Variants in POLL observed in about 807,000 individuals in gnomAD.
POLL encodes the protein DNA polymerase lambda, also known as DNA polymerase beta-2.
In POLL, 44 loss-of-function variants were observed where a neutral mutation model predicts 58.1. The observed-to-expected ratio is 0.76, with a 90% CI of 0.60 to 0.97. POLL has a LOEUF of 0.97. Among genes scored for constraint, POLL ranks in the 50% least tolerant of loss-of-function variants. The probability of loss-of-function intolerance (pLI) is 0.00; values close to 1 mark genes in which losing one functional copy is unlikely to be tolerated. For synonymous variants in POLL, 290 were observed against 283.2 expected (o/e 1.02, Z -0.24); for missense variants, 632 against 736.8 (o/e 0.86, Z 1.65).
chr10:101,582,815 C>A lies in POLL; in HGVS notation c.1142G>T (p.Ser381Ile). The A allele has an allele frequency of 6.2e-7, 1 of 1,614,220 alleles. No homozygotes were observed. The highest frequency in any genetic ancestry group is 8.5e-7 in the Non-Finnish European group (1 of 1,180,030). Residue 381 changes from serine (S) to isoleucine (I), a missense_variant, in exon 7 of 9, where the codon AGT becomes ATT. By Grantham distance (142) the Ser-to-Ile change is moderately radical. Coordinates refer to ENST00000370162, the MANE Select transcript of POLL (RefSeq NM_001174084.2). ...TQQAIGLKHY[S>I]DFLERMPREE... The stretch of plus-strand genomic sequence containing the variant: ...CCTGGGCATACGTTCCAGGAAGTCA[C>A]TGTAATGCTTCAGGCCGATGGCCTG...
Position 101,584,489 on chromosome 10 carries a change from C to A in POLL, c.891+113G>T, listed in dbSNP as rs541862391. The A allele has an allele frequency of 9.5e-6, 6 of 630,370 alleles. No individual in the cohort carries two copies. The African/African-American group carries it at 1.1e-4, about 12-fold the overall frequency. The allele number at this position is 630,370 out of a possible 1,614,324, so 39.0% of individuals were successfully genotyped here. ...GCTTTCATCAATTTTCCTTTTTTTT[C>A]TTTTGTGCAAGTCCTAGACCCCATA... is the stretch of plus-strand genomic sequence containing the variant. On this transcript the variant is annotated intron_variant, in intron 5 of 8. Transcript: ENST00000370162.
intron 4 of POLL, 33 bp downstream of exon 4, chr10:101,585,283 G>A: frequency 4.7e-6 from 7 of 1,495,320 alleles, no homozygotes; most frequent in South Asian, 1.4e-5. Flanking sequence ...CTTCCTAGGG[G>A]AAGGGAGTTC....
chr10:101,580,707 G>C lies in POLL; in HGVS notation c.1195-291C>G, dbSNP rs906650594. 6.2e-6 allele frequency: 2 copies of C among 323,474 alleles called. No individual in the cohort carries two copies. The highest frequency in any genetic ancestry group is 1.0e-4 in the South Asian group (2 of 19,734). 20.0% of individuals were successfully genotyped at this position (323,474 alleles called of 1,614,324 possible). A position where few individuals can be genotyped will look rare whatever the true frequency, so the allele number is the denominator to read the frequency against. ...GAGCTTGCCCTGTGGAGCTCTTTAA[G>C]AGTAGGGAGACACAGACTCTCTCTG... On this transcript the variant is annotated intron_variant, in intron 7 of 8. Transcript: ENST00000370162. This position sits in a 1 kb window ranked among gnomAD's most constrained non-coding sequence, Gnocchi z 4.1.
In POLL at chr10:101,580,879, G is replaced by A. The variant is rs1322343421; in HGVS notation, c.1195-463C>T. ...TTGGAATATGTGAGCTGGGGTTTGA[G>A]GACTGAGCAGGTGGCTGGCAGCATG... On this transcript the variant is annotated intron_variant, in intron 7 of 8. Transcript: ENST00000370162. This position sits in a 1 kb window ranked among gnomAD's most constrained non-coding sequence, Gnocchi z 4.1. 1.9e-5 allele frequency: 3 copies of A among 154,688 alleles called. No individual in the cohort carries two copies. The highest frequency in any genetic ancestry group is 4.3e-5 in the Non-Finnish European group (3 of 69,822). The allele number at this position is 154,688 out of a possible 1,614,324, so 9.6% of individuals were successfully genotyped here.
intron 4 of POLL, 93 bp from the exon 5 acceptor site, chr10:101,585,012 G>T: frequency 1.2e-6 from 1 of 858,504 alleles, no homozygotes; most frequent in Non-Finnish European, 1.7e-6. Flanking sequence ...TGCGGGGGGA[G>T]GGTCTTCTAG....
rs2062830908 is a variant in POLL, at chr10:101,578,928, G to A, written c.*525C>T. 1 of 168,670 alleles carries A rather than the reference G, an allele frequency of 5.9e-6. No homozygotes were observed. Among genetic ancestry groups the A allele is most frequent in the African/African-American group, 2.4e-5 (1 of 41,806 alleles). 10.4% of individuals were successfully genotyped at this position (168,670 alleles called of 1,614,324 possible). A position where few individuals can be genotyped will look rare whatever the true frequency, so the allele number is the denominator to read the frequency against. On this transcript the variant is annotated 3_prime_UTR_variant, in exon 9 of 9. Transcript: ENST00000370162. ...CTGGGCCCCTGGGCCTCCCAACACT[G>A]TCCTCACCAAGGCTGGGGCACCCCA...
At chr10:101,582,920 G>C (rs1180405378) in intron 6 of POLL, 29 bp from the exon 7 acceptor site, 1 of 1,614,058 alleles carries the variant, frequency 6.2e-7, no homozygotes, top group Non-Finnish European at 8.5e-7. Flanking sequence ...ATGGGAAGCT[G>C]TAAGGATCCA....
In POLL at chr10:101,587,892, G is replaced by A. The variant is rs764019896; in HGVS notation, c.-117C>T. The A allele has an allele frequency of 8.9e-4, 1,070 of 1,203,218 alleles. No individual in the cohort carries two copies. The highest frequency in any genetic ancestry group is 1.1e-3 in the Non-Finnish European group (1,037 of 948,734). The allele number at this position is 1,203,218 out of a possible 1,614,324, so 74.5% of individuals were successfully genotyped here. ...AGTGGGAACGCCCTGCACCTGTCCTGGTCTCAGCCTCTCGACATGGGGGTG... is the reference window on the plus strand; with the variant it reads ...AGTGGGAACGCCCTGCACCTGTCCTAGTCTCAGCCTCTCGACATGGGGGTG... On this transcript the variant is annotated 5_prime_UTR_variant, in exon 1 of 9. Transcript: ENST00000370162.
rs867739302 is a variant in POLL, at chr10:101,584,806, A to C, written c.687T>G (p.Pro229=). Residue 229 remains proline (P), a synonymous_variant, in exon 5 of 9, where the codon CCT becomes CCG. Transcript: ENST00000370162. The part of the protein sequence containing the change: ...YPTSLEGDCE[P]SPAPAVLDKW... Reference sequence around the variant, plus strand: ...TATCCAGGACAGCAGGGGCTGGGCTAGGCTCACAATCTCCCTCAAGGGAGG... The same window carrying C: ...TATCCAGGACAGCAGGGGCTGGGCTCGGCTCACAATCTCCCTCAAGGGAGG... 5 of 1,595,066 alleles carry C rather than the reference A, an allele frequency of 3.1e-6. No individual in the cohort carries two copies. The African/African-American group carries it at 5.4e-5, about 17-fold the overall frequency.
chr10:101,585,212 C>G, intron 4 of POLL, 104 bp downstream of exon 4: 2 of 995,056 alleles, frequency 2.0e-6, no homozygotes, highest in South Asian at 1.8e-5. Context: ...TAGAGCCCTC[C>G]TCTCTCAGGG....
Position 101,584,533 on chromosome 10 carries a change from C to T in POLL, c.891+69G>A. 4.4e-6 allele frequency: 5 copies of T among 1,144,612 alleles called. No individual in the cohort carries two copies. The East Asian group carries it at 1.2e-4, about 28-fold the overall frequency. The allele number at this position is 1,144,612 out of a possible 1,614,324, so 70.9% of individuals were successfully genotyped here. On this transcript the variant is annotated intron_variant, in intron 5 of 8. Transcript: ENST00000370162. ...CCCCATAAAATCTTCACCACTGTAC[C>T]TGAACCCCACTGGGGTTACTAACCA...
rs1176357469 is a variant in POLL at position 101,584,692 on chromosome 10, G to A, written c.801C>T (p.Tyr267=). The A allele has an allele frequency of 6.2e-7, 1 of 1,614,026 alleles. No homozygotes were observed. Among genetic ancestry groups the A allele is most frequent in the Non-Finnish European group, 8.5e-7 (1 of 1,179,970 alleles). The change falls in exon 5 of 9, where the codon TAC becomes TAT. Residue 267 remains tyrosine, a synonymous_variant. Transcript: ENST00000370162. ...TEKLEVLAKA[Y]SVQGDKWRAL... is the part of the protein sequence containing the mutation. ...CCCTCCACTTGTCTCCCTGAACACT[G>A]TAGGCTTTGGCCAGAACTTCCAGCT...
chr10:101,581,456 C>G (rs2134586238), intron 7 of POLL: 1 of 152,332 alleles, frequency 6.6e-6, no homozygotes, highest in South Asian at 2.1e-4. Flanking sequence ...GAGGCCTGTC[C>G]ATCCATCTCA....
In POLL at chr10:101,588,176, C is replaced by G; in HGVS notation, c.-401G>C. 2 of 1,525,476 alleles carry G rather than the reference C, an allele frequency of 1.3e-6. No homozygotes were observed. Among genetic ancestry groups the G allele is most frequent in the Non-Finnish European group, 1.8e-6 (2 of 1,138,164 alleles). 94.5% of individuals were successfully genotyped at this position (1,525,476 alleles called of 1,614,324 possible). A position where few individuals can be genotyped will look rare whatever the true frequency, so the allele number is the denominator to read the frequency against. On this transcript the variant is annotated 5_prime_UTR_variant, in exon 1 of 9. Transcript: ENST00000370162. ...TCGACTACTGGCCAAGCTAGTCACC[C>G]GGGGGTGGGCAGGAATAGACCACTT...
chr10:101,585,869 G>A lies in POLL; in HGVS notation c.403C>T (p.Pro135Ser), dbSNP rs2063299182. Residue 135 changes from proline (P) to serine (S), a missense_variant, in exon 3 of 9, where the codon CCC (proline) becomes TCC (serine). Pro to Ser is a moderately conservative substitution (Grantham distance 74, BLOSUM62 -1). Transcript: ENST00000370162. ...AGACTGGGATCAGCCCACCTACTGG[G>A]GATGAAGATGCTGAATCCAGCTACA... The part of the protein sequence containing the change: ...VDVAGFSIFI[P>S]SRYLDHPQPS... The A allele has an allele frequency of 6.4e-7, 1 of 1,574,076 alleles. No individual in the cohort carries two copies. The highest frequency in any genetic ancestry group is 8.7e-7 in the Non-Finnish European group (1 of 1,152,728).
At position 101,584,609 on chromosome 10, in the gene POLL, G is replaced by A. The variant is rs368623787; in HGVS notation, c.884C>T (p.Ser295Leu). 54 of 1,558,322 alleles carry A rather than the reference G, an allele frequency of 3.5e-5. No individual in the cohort carries two copies. The South Asian group carries it at 4.2e-4, about 12-fold the overall frequency. The part of the protein sequence containing the change: ...ALKSFHKPVT[S>L]YQEACSIPGI... ...ACTCTAGCCCCTGGGTACCTGGTAC[G>A]AGGTGACAGGCTTATGGAAGCTCTT... is the stretch of plus-strand genomic sequence containing the variant. Residue 295 changes from serine to leucine, a missense_variant, in exon 5 of 9, where the codon TCG becomes TTG. Ser to Leu is a moderately radical substitution (Grantham distance 145). Transcript: ENST00000370162.
At position 101,580,378 on chromosome 10, in the gene POLL, C is replaced by T. The variant is rs561978673; in HGVS notation, c.1233G>A (p.Leu411=). 6.2e-7 allele frequency: 1 copy of T among 1,614,012 alleles called. No homozygotes were observed. Among genetic ancestry groups the T allele is most frequent in the Admixed American group, 1.7e-5 (1 of 60,024 alleles). ...GTCGGTATGAACCACATGCCACACA[C>T]AGCAGCCCAGAGTTAAAGGCCTGGG... ...KAAQAFNSGL[L]CVACGSYRRG... is the part of the protein sequence containing the mutation. Residue 411 remains leucine (L), a synonymous_variant, in exon 8 of 9, where the codon CTG becomes CTA. Coordinates refer to ENST00000370162, the MANE Select transcript of POLL (RefSeq NM_001174084.2). The surrounding 1 kb of genome is among the most constrained non-coding windows in gnomAD (Gnocchi z 4.1).
rs768461640 is a variant in POLL, at chr10:101,579,517, G to A, written c.1664C>T (p.Thr555Ile). 1 of 1,613,830 alleles carries A rather than the reference G, an allele frequency of 6.2e-7. No homozygotes were observed. Among genetic ancestry groups the A allele is most frequent in the South Asian group, 1.1e-5 (1 of 91,078 alleles). The change falls in exon 9 of 9, where the codon ACT becomes ATT. Residue 555 changes from threonine to isoleucine, a missense_variant. Coordinates refer to ENST00000370162, the MANE Select transcript of POLL (RefSeq NM_001174084.2). The surrounding 1 kb of genome is among the most constrained non-coding windows in gnomAD (Gnocchi z 4.4). ...VGPGRVLPTP[T>I]EKDVFRLLGL... ...TAAGAGCCTGAAGACATCCTTCTCA[G>A]TGGGAGTGGGCAGCACTCGGCCAGG...
chr10:101,584,763 G>A lies in POLL; in HGVS notation c.730C>T (p.Pro244Ser). The A allele has an allele frequency of 8.1e-6, 13 of 1,613,774 alleles. No individual in the cohort carries two copies. The highest frequency in any genetic ancestry group is 1.1e-5 in the Non-Finnish European group (13 of 1,179,840). Residue 244 changes from proline (P) to serine (S), a missense_variant, in exon 5 of 9, where the codon CCC (proline) becomes TCC (serine). Transcript: ENST00000370162. ...AVLDKWVCAQPSSQKATNHNL... is the reference protein window; with the variant it reads ...AVLDKWVCAQSSSQKATNHNL... ...TGATTGGTCGCCTTCTGGCTTGAGG[G>A]CTGTGCACAGACCCACTTATCCAGG...
Sources: allele counts gnomAD v4.1 joint callset, GRCh38; gene constraint gnomAD v4.1.1; non-coding constraint Gnocchi (gnomAD v3.1); transcripts MANE v1.5; gene names NCBI Gene and HGNC (gene_info 2026-07-23, HGNC 2026-07-21).